BCAN: variants seen among roughly 807,000 people sequenced by gnomAD.
BCAN encodes the protein brevican core protein.
A neutral mutation model predicts 92.4 loss-of-function variants in BCAN; 51 were observed. The observed-to-expected ratio is 0.55, with a 90% CI of 0.44 to 0.70. The LOEUF (loss-of-function observed/expected upper bound fraction) is 0.70. Ranked by LOEUF, BCAN falls within the 30% of genes least tolerant of loss-of-function variation. The probability of loss-of-function intolerance (pLI) is 0.00; values close to 1 mark genes in which losing one functional copy is unlikely to be tolerated. For missense variants in BCAN, 1,140 were observed against 1,212.1 expected, an observed-to-expected ratio of 0.94 and a Z score of 0.88; for synonymous variants, 501 against 505.2, an observed-to-expected ratio of 0.99 and a Z score of 0.11.
chr1:156,650,030 A>G, intron 6 of BCAN: 1 of 478,846 alleles, frequency 2.1e-6, no homozygotes. Flanking sequence ...CCATTTGGAC[A>G]GATCTGTGGA....
rs895288844 is a variant in BCAN, at chr1:156,642,253, G to A, written c.-31G>A. ...GAGGCGACAAACTTCGCAGTGCCGC[G>A]ACCCAACCCCAGCCCTGGGTAGGTG... On this transcript the variant is annotated 5_prime_UTR_variant, in exon 1 of 14. Transcript: ENST00000329117. The surrounding 1 kb of genome is among the most constrained non-coding windows in gnomAD (Gnocchi z 4.2). 2 of 152,360 alleles carry A rather than the reference G, an allele frequency of 1.3e-5. No individual in the cohort carries two copies. Among genetic ancestry groups the A allele is most frequent in the South Asian group, 4.1e-4 (2 of 4,836 alleles). 9.4% of individuals were successfully genotyped at this position (152,360 alleles called of 1,614,324 possible).
At chr1:156,648,510 AC>A in intron 5 of BCAN, 57 bp from the exon 6 acceptor site, 31 of 1,511,170 alleles carry the variant, frequency 2.1e-5, no homozygotes, top group Non-Finnish European at 2.7e-5. Flanking sequence ...CCCATGGGAG[AC>A]CAGAGTGGAA....
chr1:156,658,171 G>A lies in BCAN; in HGVS notation c.2337G>A (p.Leu779=), dbSNP rs760967740. 4.3e-6 allele frequency: 7 copies of A among 1,614,120 alleles called. No homozygotes were observed. The highest frequency in any genetic ancestry group is 1.7e-5 in the Admixed American group (1 of 60,008). The change falls in exon 12 of 14, where the codon CTG becomes CTA. Residue 779 remains leucine, a synonymous_variant. Coordinates refer to ENST00000329117, the MANE Select transcript of BCAN (RefSeq NM_021948.5). The surrounding 1 kb of genome is among the most constrained non-coding windows in gnomAD (Gnocchi z 4.4). ...CTGGGCAGCCTGACAGCTACTTCCT[G>A]TCTGGAGAGAACTGCGTGGTCATGG... ...WNPGQPDSYF[L]SGENCVVMVW... is the part of the protein sequence containing the mutation.
chr1:156,658,410 A>G lies in BCAN; in HGVS notation c.2438-133A>G, dbSNP rs1241958462. 7.5e-6 allele frequency: 11 copies of G among 1,459,418 alleles called. No individual in the cohort carries two copies. Among genetic ancestry groups the G allele is most frequent in the Non-Finnish European group, 9.2e-6 (10 of 1,084,030 alleles). The allele number at this position is 1,459,418 out of a possible 1,614,324, so 90.4% of individuals were successfully genotyped here. On this transcript the variant is annotated intron_variant, in intron 12 of 13. Transcript: ENST00000329117. This position sits in a 1 kb window ranked among gnomAD's most constrained non-coding sequence, Gnocchi z 4.4. ...TGTTCCAGACCATGGGAGAGCTAAC[A>G]AGTTACGTGGGTCCACTCGGAATCC...
Position 156,647,476 on chromosome 1 carries a change from C to A in BCAN, c.467-32C>A. 6.6e-7 allele frequency: 1 copy of A among 1,525,336 alleles called. No homozygotes were observed. The highest frequency in any genetic ancestry group is 2.2e-5 in the Admixed American group (1 of 46,496). The allele number at this position is 1,525,336 out of a possible 1,614,324, so 94.5% of individuals were successfully genotyped here. ...AGGGGAGGCCAGCGTGCTGGGTGCT[C>A]ACCTGGCTCAGGGGTCCTCTCTGCC... On this transcript the variant is annotated intron_variant, in intron 3 of 13. Transcript: ENST00000329117. The surrounding 1 kb of genome is among the most constrained non-coding windows in gnomAD (Gnocchi z 4.8).
chr1:156,650,286 C>T (rs924450583), intron 6 of BCAN, among the ~76,000 whole-genome samples: 1 of 152,070 alleles, frequency 6.6e-6, no homozygotes, highest in Non-Finnish European at 1.5e-5. Flanking sequence ...ACAGTTGGGA[C>T]TACGATTGGT....
Position 156,652,466 on chromosome 1 carries a change from C to T in BCAN, c.1516C>T (p.Leu506Phe). 6.2e-7 allele frequency: 1 copy of T among 1,603,856 alleles called. No individual in the cohort carries two copies. The highest frequency in any genetic ancestry group is 8.5e-7 in the Non-Finnish European group (1 of 1,174,838). Residue 506 changes from leucine (L) to phenylalanine (F), a missense_variant, in exon 8 of 14, where the codon CTC becomes TTC. This residue lies in a region of BCAN where 825 missense variants were observed against 871.8 expected (regional missense o/e 0.95). Coordinates refer to ENST00000329117, the MANE Select transcript of BCAN (RefSeq NM_021948.5). Reference protein sequence around the residue: ...PTEPAAQEESLSQAPARAVLQ... With the variant: ...PTEPAAQEESFSQAPARAVLQ... The stretch of plus-strand genomic sequence containing the variant: ...TGAGCCAGCAGCCCAGGAGGAGTCA[C>T]TCTCCCAGGCGCCAGCAAGGGCAGT...
At chr1:156,651,347 T>C in intron 6 of BCAN, 109 bp from the exon 7 acceptor site, 1 of 1,032,164 alleles carries the variant, frequency 9.7e-7, no homozygotes, top group Non-Finnish European at 1.4e-6. Context: ...CAGTAGGTGC[T>C]CCACAGGGAA....
chr1:156,652,195 C>T (rs964705440), intron 7 of BCAN, 53 bp from the exon 8 acceptor site: 45 of 1,525,454 alleles, frequency 2.9e-5, no homozygotes, highest in African/African-American at 5.6e-5. Context: ...TTTTTCCTTT[C>T]GGTCCTTGGA....
At position 156,646,066 on chromosome 1, in the gene BCAN, G is replaced by A. The variant is rs751773157; in HGVS notation, c.12G>A (p.Leu4=). Residue 4 remains leucine, a synonymous_variant, in exon 2 of 14, where the codon CTG becomes CTA. Transcript: ENST00000329117. ...TGTCAGCCTGCAGCATGGCCCAGCT[G>A]TTCCTGCCCCTGCTGGCAGCCCTGG... MAQ[L]FLPLLAALVL... 6.2e-7 allele frequency: 1 copy of A among 1,613,448 alleles called. No individual in the cohort carries two copies. The highest frequency in any genetic ancestry group is 8.5e-7 in the Non-Finnish European group (1 of 1,179,440).
Position 156,658,425 on chromosome 1 carries a change from ACTC to A in BCAN, c.2438-117_2438-115del. 1 of 1,465,188 alleles carries A rather than the reference ACTC, an allele frequency of 6.8e-7. No individual in the cohort carries two copies. Among genetic ancestry groups the A allele is most frequent in the Non-Finnish European group, 9.2e-7 (1 of 1,089,284 alleles). 90.8% of individuals were successfully genotyped at this position (1,465,188 alleles called of 1,614,324 possible). On this transcript the variant is annotated intron_variant, in intron 12 of 13. Coordinates refer to ENST00000329117, the MANE Select transcript of BCAN (RefSeq NM_021948.5). This position sits in a 1 kb window ranked among gnomAD's most constrained non-coding sequence, Gnocchi z 4.4. ...GAGAGCTAACAAGTTACGTGGGTCC[ACTC>A]GGAATCCCTGATCTTTTTTTGTCAT...
chr1:156,647,759 G>C lies in BCAN; in HGVS notation c.641+77G>C, dbSNP rs1679033508. On this transcript the variant is annotated intron_variant, in intron 4 of 13. Transcript: ENST00000329117. This position sits in a 1 kb window ranked among gnomAD's most constrained non-coding sequence, Gnocchi z 4.8. ...GCCCCCCTTCTGCTGGGTGCTGCCT[G>C]CTGTGTCAGGCTGGACATGCAGGGC... 1.3e-6 allele frequency: 2 copies of C among 1,554,748 alleles called. No individual in the cohort carries two copies. Among genetic ancestry groups the C allele is most frequent in the Non-Finnish European group, 1.8e-6 (2 of 1,142,412 alleles).
At chr1:156,643,780 T>C (rs1678874100) in intron 1 of BCAN, 1 of 151,920 alleles carries the variant, frequency 6.6e-6, no homozygotes. Context: ...GCTCAAGAAA[T>C]TCAAAACAAG....
Position 156,658,320 on chromosome 1 carries a change from T to C in BCAN, c.2437+49T>C. 1 of 1,601,518 alleles carries C rather than the reference T, an allele frequency of 6.2e-7. No individual in the cohort carries two copies. The highest frequency in any genetic ancestry group is 8.5e-7 in the Non-Finnish European group (1 of 1,173,036). On this transcript the variant is annotated intron_variant, in intron 12 of 13. Transcript: ENST00000329117. The surrounding 1 kb of genome is among the most constrained non-coding windows in gnomAD (Gnocchi z 4.4). ...CCAGCAAGGAAGTGGAGGGGTGGGC[T>C]AGGGGACCAGAGGGACTGATGTTTG...
chr1:156,657,522 C>T (rs1444515955), intron 10 of BCAN, 153 bp from the exon 11 acceptor site: 14 of 599,730 alleles, frequency 2.3e-5, no homozygotes, highest in Non-Finnish European at 4.1e-5. Context: ...TCCATCTGGC[C>T]CTTGAGCAGA....
chr1:156,645,835 CA>C (rs1425477135), intron 1 of BCAN, among the ~76,000 whole-genome samples: 4 of 152,178 alleles, frequency 2.6e-5, no homozygotes, highest in African/African-American at 9.7e-5. Context: ...GCTTAGGTCA[CA>C]CAGTGAGTTG....
At position 156,647,596 on chromosome 1, in the gene BCAN, C is replaced by T; in HGVS notation, c.555C>T (p.His185=). The T allele has an allele frequency of 3.1e-6, 5 of 1,613,304 alleles. No homozygotes were observed. The South Asian group carries it at 3.3e-5, about 11-fold the overall frequency. The change falls in exon 4 of 14, where the codon CAC becomes CAT. Residue 185 remains histidine, a synonymous_variant. Coordinates refer to ENST00000329117, the MANE Select transcript of BCAN (RefSeq NM_021948.5). The surrounding 1 kb of genome is among the most constrained non-coding windows in gnomAD (Gnocchi z 4.8). Reference sequence around the variant, plus strand: ...AGGCCTGTGCCCGCATTGGAGCCCACATCGCCACCCCGGAGCAGCTCTATG... The same window carrying T: ...AGGCCTGTGCCCGCATTGGAGCCCATATCGCCACCCCGGAGCAGCTCTATG... The part of the protein sequence containing the change: ...AQEACARIGA[H]IATPEQLYAA...
intron 2 of BCAN, 113 bp from the exon 3 acceptor site, chr1:156,646,688 G>C: frequency 2.1e-6 from 3 of 1,456,848 alleles, no homozygotes; most frequent in Non-Finnish European, 2.7e-6. Flanking sequence ...TCCTAGGGGG[G>C]CCGGGGAATC....
chr1:156,648,666 C>T lies in BCAN; in HGVS notation c.868C>T (p.Leu290=), dbSNP rs1416208188. ...RGAEIATTGQ[L]YAAWDGGLDH... ...TGCAGAGATTGCCACCACGGGCCAACTGTATGCAGCCTGGGATGGTGGCCT... is the reference window on the plus strand; with the variant it reads ...TGCAGAGATTGCCACCACGGGCCAATTGTATGCAGCCTGGGATGGTGGCCT... The change falls in exon 6 of 14, where the codon CTG becomes TTG. Residue 290 remains leucine, a synonymous_variant. Coordinates refer to ENST00000329117, the MANE Select transcript of BCAN (RefSeq NM_021948.5). 3.1e-6 allele frequency: 5 copies of T among 1,613,502 alleles called. No homozygotes were observed. In the South Asian group the frequency reaches 5.5e-5, roughly 18 times the overall value.
Sources: allele counts gnomAD v4.1 joint callset (sites outside exome capture counted in the v4.1 genomes callset), GRCh38; gene constraint gnomAD v4.1.1; regional missense constraint gnomAD v4.1.1; non-coding constraint Gnocchi (gnomAD v3.1); transcripts MANE v1.5; gene names NCBI Gene and HGNC (gene_info 2026-07-23, HGNC 2026-07-21).